The following KCNQ5 variants were observed in gnomAD, a reference collection of about 807,000 sequenced individuals.
KCNQ5 encodes the protein potassium voltage-gated channel subfamily KQT member 5.
A neutral mutation model predicts 98.2 loss-of-function variants in KCNQ5; 30 were observed. The observed-to-expected ratio is 0.31, with a 90% confidence interval of 0.23 to 0.41. The LOEUF (loss-of-function observed/expected upper bound fraction) is 0.41, where lower values mean the gene tolerates loss of function less well. Among genes scored for constraint, KCNQ5 ranks in the 10% least tolerant of loss-of-function variants. KCNQ5 has a pLI of 1.00. For missense variants in KCNQ5, 835 were observed against 1,182.5 expected, an observed-to-expected ratio of 0.71 and a Z score of 4.31; for synonymous variants, 458 against 449.4, an observed-to-expected ratio of 1.02 and a Z score of -0.24.
intron 5 of KCNQ5, among the ~76,000 whole-genome samples, chr6:73,103,422 G>A (rs1051416070): frequency 9.9e-5 from 15 of 152,000 alleles, no homozygotes; most frequent in South Asian, 4.2e-4. Flanking sequence ...ATTCATAGGT[G>A]GGAATTGAAC....
At chr6:73,158,675 A>C (rs1777485988) in intron 10 of KCNQ5, among the ~76,000 whole-genome samples, 2 of 149,756 alleles carry the variant, frequency 1.3e-5, no homozygotes, top group Admixed American at 6.8e-5. Flanking sequence ...AGGAAACTTT[A>C]AATGAAGTAT....
chr6:72,948,827 C>G (rs1016961199), intron 1 of KCNQ5, among the ~76,000 whole-genome samples: 5 of 152,068 alleles, frequency 3.3e-5, no homozygotes, highest in Admixed American at 3.3e-4. Context: ...TTGATGTTGA[C>G]AATATTATCT....
chr6:72,921,845 C>T (rs1780413868), intron 1 of KCNQ5, among the ~76,000 whole-genome samples: 1 of 152,102 alleles, frequency 6.6e-6, no homozygotes, highest in Non-Finnish European at 1.5e-5. Flanking sequence ...ATTCATAACT[C>T]ACTGAATCAC....
At chr6:73,031,933 G>C (rs920291242) in intron 2 of KCNQ5, among the ~76,000 whole-genome samples, 2 of 152,142 alleles carry the variant, frequency 1.3e-5, no homozygotes, top group African/African-American at 4.8e-5. Context: ...TATAAGAACA[G>C]AGACATAACT....
chr6:72,717,133 C>T (rs375375497), intron 1 of KCNQ5, among the ~76,000 whole-genome samples: 12 of 152,222 alleles, frequency 7.9e-5, no homozygotes, highest in African/African-American at 2.9e-4. Flanking sequence ...GCTTCATAAA[C>T]TGTGTCACAG....
intron 1 of KCNQ5, among the ~76,000 whole-genome samples, chr6:72,773,968 G>A (rs1263706441): frequency 6.6e-6 from 1 of 151,980 alleles, no homozygotes; most frequent in African/African-American, 2.4e-5. Context: ...ATGCTTACTG[G>A]TCATCTTATT....
chr6:72,857,185 A>G (rs946031324), intron 1 of KCNQ5, among the ~76,000 whole-genome samples: 2 of 152,258 alleles, frequency 1.3e-5, no homozygotes, highest in African/African-American at 2.4e-5. Context: ...ACTATTCTTA[A>G]TAAACTTTTT....
At chr6:73,149,065 G>A (rs1195339518) in intron 10 of KCNQ5, among the ~76,000 whole-genome samples, 1 of 152,170 alleles carries the variant, frequency 6.6e-6, no homozygotes, top group Non-Finnish European at 1.5e-5. Flanking sequence ...TGTGAACCAG[G>A]TAGAAAATAC....
chr6:72,915,773 C>G (rs974963104), intron 1 of KCNQ5, among the ~76,000 whole-genome samples: 7 of 152,030 alleles, frequency 4.6e-5, no homozygotes, highest in Non-Finnish European at 8.8e-5. Context: ...TAGAAAATGA[C>G]AAGTGCATTT....
intron 1 of KCNQ5, among the ~76,000 whole-genome samples, chr6:72,786,750 T>TA (rs1773766340): frequency 6.6e-6 from 1 of 152,108 alleles, no homozygotes; most frequent in African/African-American, 2.4e-5. Flanking sequence ...CTCACGCCTG[T>TA]AATCCCTGCA....
chr6:73,173,205 G>A (rs1265208529), intron 11 of KCNQ5, among the ~76,000 whole-genome samples: 1 of 152,082 alleles, frequency 6.6e-6, no homozygotes, highest in Non-Finnish European at 1.5e-5. Flanking sequence ...TATTATTTCA[G>A]GGAAATGCAA....
At chr6:73,031,976 T>A (rs921381495) in intron 2 of KCNQ5, among the ~76,000 whole-genome samples, 2 of 152,098 alleles carry the variant, frequency 1.3e-5, no homozygotes, top group Non-Finnish European at 2.9e-5. Flanking sequence ...TTCTGAAAGT[T>A]CTCTAAGAAC....
intron 2 of KCNQ5, among the ~76,000 whole-genome samples, chr6:73,031,456 G>C (rs559708579): frequency 6.6e-6 from 1 of 152,128 alleles, no homozygotes; most frequent in African/African-American, 2.4e-5. Flanking sequence ...TGAGAATTTT[G>C]ATTTTAATAG....
At chr6:73,102,550 T>A (rs1205349327) in intron 5 of KCNQ5, among the ~76,000 whole-genome samples, 1 of 151,940 alleles carries the variant, frequency 6.6e-6, no homozygotes, top group Non-Finnish European at 1.5e-5. Flanking sequence ...TAAGAAAAAA[T>A]AAAATAATCC....
intron 1 of KCNQ5, among the ~76,000 whole-genome samples, chr6:72,843,794 C>T (rs1158426398): frequency 2.0e-5 from 3 of 152,112 alleles, no homozygotes; most frequent in Non-Finnish European, 4.4e-5. Flanking sequence ...GCCCAAATGC[C>T]CATCAATGAT....
intron 1 of KCNQ5, among the ~76,000 whole-genome samples, chr6:72,936,757 C>A (rs570801551): frequency 2.0e-5 from 3 of 152,238 alleles, no homozygotes; most frequent in South Asian, 4.1e-4. Context: ...GTAACAAATT[C>A]TTGGCTTTTG....
At chr6:72,981,380 G>C (rs1241996669) in intron 1 of KCNQ5, among the ~76,000 whole-genome samples, 1 of 152,142 alleles carries the variant, frequency 6.6e-6, no homozygotes, top group Admixed American at 6.5e-5. Context: ...TCCTGGTTTA[G>C]TCTTGGGAGG....
At chr6:72,662,981 T>C (rs1333890938) in intron 1 of KCNQ5, among the ~76,000 whole-genome samples, 1 of 152,184 alleles carries the variant, frequency 6.6e-6, no homozygotes. Context: ...TCCAGAAAAC[T>C]CATTCCTGAT....
intron 1 of KCNQ5, among the ~76,000 whole-genome samples, chr6:72,739,766 T>C (rs892427932): frequency 6.6e-6 from 1 of 152,214 alleles, no homozygotes; most frequent in Non-Finnish European, 1.5e-5. Flanking sequence ...TACTGACTAT[T>C]CGATAGTCCC....
Sources: gnomAD v4.1 joint callset for allele counts (sites outside exome capture counted in the v4.1 genomes callset) on GRCh38, gnomAD v4.1.1 for gene constraint, MANE v1.5 for transcripts, NCBI Gene and HGNC (gene_info 2026-07-23, HGNC 2026-07-21) for gene names.